Variants in QDPR observed in about 807,000 individuals in gnomAD.
QDPR encodes the protein dihydropteridine reductase.
QDPR carries 23 observed loss-of-function variants against 31.7 expected under a neutral mutation model. The ratio of observed to expected loss-of-function variants is 0.73; its 90% CI spans 0.52 to 1.03. QDPR has a LOEUF of 1.03. QDPR is among the 50% of genes least tolerant of loss of function. The pLI is 0.00. For synonymous variants in QDPR, 124 were observed against 124.7 expected, an observed-to-expected ratio of 0.99 and a Z score of 0.03; for missense variants, 324 against 323.8, an observed-to-expected ratio of 1.00 and a Z score of 0.00.
At chr4:17,505,128 A>G (rs1159505926) in intron 2 of QDPR, among the ~76,000 whole-genome samples, 1 of 152,166 alleles carries the variant, frequency 6.6e-6, no homozygotes, top group Non-Finnish European at 1.5e-5. Flanking sequence ...TATGAAAAGA[A>G]CAGTCTGTCA....
At chr4:17,509,797 T>C (rs1292271262) in intron 1 of QDPR, 1 of 360,894 alleles carries the variant, frequency 2.8e-6, no homozygotes, top group Non-Finnish European at 5.4e-6. Context: ...ACACACCCTA[T>C]ATTGGGCTCC....
intron 4 of QDPR, chr4:17,492,638 A>G (rs912896387): frequency 2.2e-6 from 1 of 453,284 alleles, no homozygotes; most frequent in African/African-American, 2.0e-5. Context: ...GGTCCAGAAG[A>G]GGCCAGGAAG....
At chr4:17,490,098 CAA>C (rs1056519690) in intron 6 of QDPR, 3 of 178,712 alleles carry the variant, frequency 1.7e-5, no homozygotes, top group African/African-American at 4.7e-5. Context: ...CATGAGCGTT[CAA>C]ATGCCACCCA....
chr4:17,497,523 T>C (rs1718410262), intron 4 of QDPR, among the ~76,000 whole-genome samples: 1 of 117,176 alleles, frequency 8.5e-6, no homozygotes, highest in Non-Finnish European at 2.0e-5. Context: ...ATTATCTCTA[T>C]ATAATTATAT....
chr4:17,498,238 C>G lies in QDPR; in HGVS notation c.436+3481G>C, dbSNP rs1191243761. Among the ~76,000 whole-genome samples the G allele has an allele frequency of 2.0e-5, 3 of 152,134 alleles. No individual in the cohort carries two copies. The East Asian group carries it at 5.8e-4, about 29-fold the overall frequency. ...CAGCGGGAGGTGGGGGGATGACAGC[C>G]CAGCCAAGGGACCAATCACAAAACT... is the stretch of plus-strand genomic sequence containing the variant. On this transcript the variant is annotated intron_variant, in intron 4 of 6. Coordinates refer to ENST00000281243, the MANE Select transcript of QDPR (RefSeq NM_000320.3).
Position 17,501,858 on chromosome 4 carries a change from A to G in QDPR, c.297T>C (p.Ser99=), listed in dbSNP as rs1309099253. 6.2e-7 allele frequency: 1 copy of G among 1,614,042 alleles called. No individual in the cohort carries two copies. ...ACATCAGGTCACAGTTCTTAAAGAGAGCTGAGTGAAAAAAACATGTGGGCT... is the reference window on the plus strand; with the variant it reads ...ACATCAGGTCACAGTTCTTAAAGAGGGCTGAGTGAAAAAAACATGTGGGCT... The part of the protein sequence containing the change: ...GWAGGNAKSK[S]LFKNCDLMWK... Residue 99 remains serine, a splice_region_variant and synonymous_variant, in exon 4 of 7, where the codon TCT becomes TCC. Coordinates refer to ENST00000281243, the MANE Select transcript of QDPR (RefSeq NM_000320.3).
chr4:17,489,977 G>T, intron 6 of QDPR: 1 of 162,078 alleles, frequency 6.2e-6, no homozygotes, highest in Non-Finnish European at 1.4e-5. Context: ...CCAGAGCCGA[G>T]GGCAGCACCT....
At chr4:17,494,539 C>T (rs1383306624) in intron 4 of QDPR, among the ~76,000 whole-genome samples, 2 of 152,216 alleles carry the variant, frequency 1.3e-5, no homozygotes, top group African/African-American at 4.8e-5. Flanking sequence ...TGAAACCCTC[C>T]TGGGAGAGAC....
intron 4 of QDPR, among the ~76,000 whole-genome samples, chr4:17,494,490 A>G (rs1487354237): frequency 2.0e-5 from 3 of 152,184 alleles, no homozygotes; most frequent in Non-Finnish European, 4.4e-5. Flanking sequence ...CCCCTCCTCC[A>G]CATGCAATGA....
chr4:17,487,475 C>T (rs2108984826), intron 6 of QDPR, among the ~76,000 whole-genome samples: 2 of 145,398 alleles, frequency 1.4e-5, no homozygotes, highest in East Asian at 4.3e-4. Context: ...TATGATGAAA[C>T]CCCATCTCTA....
At position 17,504,453 on chromosome 4, in the gene QDPR, A is replaced by G. The variant is rs1158304986; in HGVS notation, c.221T>C (p.Leu74Pro). ...TGCATCCACCTTCTCTTCACCCAAGAGCTTTCCAACCTCAGCAGTCACCTT... is the reference window on the plus strand; with the variant it reads ...TGCATCCACCTTCTCTTCACCCAAGGGCTTTCCAACCTCAGCAGTCACCTT... Reference protein sequence around the residue: ...ADQVTAEVGKLLGEEKVDAIL... With the variant: ...ADQVTAEVGKPLGEEKVDAIL... The change falls in exon 3 of 7, where the codon CTC (leucine) becomes CCC (proline). Residue 74 changes from leucine to proline, a missense_variant. Transcript: ENST00000281243. The G allele has an allele frequency of 6.2e-7, 1 of 1,614,216 alleles. No homozygotes were observed. The highest frequency in any genetic ancestry group is 1.1e-5 in the South Asian group (1 of 91,080).
At chr4:17,488,807 G>A (rs1293681054) in intron 6 of QDPR, among the ~76,000 whole-genome samples, 2 of 152,134 alleles carry the variant, frequency 1.3e-5, no homozygotes, top group Non-Finnish European at 2.9e-5. Context: ...CCCTACTCTG[G>A]GGTTTGAACA....
intron 4 of QDPR, among the ~76,000 whole-genome samples, chr4:17,498,690 A>C: frequency 6.6e-6 from 1 of 152,206 alleles, no homozygotes; most frequent in Non-Finnish European, 1.5e-5. Flanking sequence ...CACAGCACAG[A>C]TCCTTTAATG....
In QDPR at chr4:17,486,829, T is replaced by C. The variant is rs1416363498; in HGVS notation, c.*302A>G. Reference sequence around the variant, plus strand: ...GATGACAGCCACTGTCAAGGACAGATGAACAGTCACAAAAGCGATCCAACA... The same window carrying C: ...GATGACAGCCACTGTCAAGGACAGACGAACAGTCACAAAAGCGATCCAACA... On this transcript the variant is annotated 3_prime_UTR_variant, in exon 7 of 7. Transcript: ENST00000281243. The C allele has an allele frequency of 2.4e-6, 1 of 410,026 alleles. No homozygotes were observed. Among genetic ancestry groups the C allele is most frequent in the Non-Finnish European group, 4.5e-6 (1 of 221,590 alleles). 25.4% of individuals were successfully genotyped at this position (410,026 alleles called of 1,614,324 possible).
chr4:17,504,996 C>T (rs1718707126), intron 2 of QDPR, among the ~76,000 whole-genome samples: 1 of 152,086 alleles, frequency 6.6e-6, no homozygotes, highest in Non-Finnish European at 1.5e-5. Flanking sequence ...AGAAAAAATA[C>T]AGTCAATAGC....
chr4:17,504,236 T>A (rs1461101490), intron 3 of QDPR, 143 bp downstream of exon 3: 2 of 733,020 alleles, frequency 2.7e-6, no homozygotes, highest in Non-Finnish European at 2.4e-6. Context: ...TTAAGAGCAT[T>A]AATCACTCTC....
intron 2 of QDPR, among the ~76,000 whole-genome samples, chr4:17,507,853 C>T (rs895032940): frequency 6.6e-6 from 1 of 152,100 alleles, no homozygotes; most frequent in African/African-American, 2.4e-5. Flanking sequence ...CCGCCCATCT[C>T]AGCCTTCCAA....
chr4:17,509,505 C>T (rs905388270), intron 1 of QDPR, 142 bp from the exon 2 acceptor site: 1 of 720,630 alleles, frequency 1.4e-6, no homozygotes, highest in South Asian at 1.5e-5. Flanking sequence ...GTGGGAGGAT[C>T]TCTTGAGGCC....
In QDPR at chr4:17,509,169, G is replaced by A. The variant is rs879004826; in HGVS notation, c.198+102C>T. ...CAAGACTCCGTCTCGGGGAAAAAAAGAAATAAAAGGAAGAACATACAGCCA... is the reference window on the plus strand; with the variant it reads ...CAAGACTCCGTCTCGGGGAAAAAAAAAAATAAAAGGAAGAACATACAGCCA... On this transcript the variant is annotated intron_variant, in intron 2 of 6. Transcript: ENST00000281243. The A allele has an allele frequency of 3.1e-4, 306 of 974,066 alleles. 5 individuals carry two copies. Among genetic ancestry groups the A allele is most frequent in the South Asian group, 3.1e-3 (233 of 75,382 alleles). 60.3% of individuals were successfully genotyped at this position (974,066 alleles called of 1,614,324 possible). A position where few individuals can be genotyped will look rare whatever the true frequency, so the allele number is the denominator to read the frequency against.
Sources: allele counts gnomAD v4.1 joint callset (sites outside exome capture counted in the v4.1 genomes callset), GRCh38; gene constraint gnomAD v4.1.1; transcripts MANE v1.5; gene names NCBI Gene and HGNC (gene_info 2026-07-23, HGNC 2026-07-21).